Variants in HIP1 observed in about 807,000 individuals in gnomAD.
The protein encoded by HIP1 is huntingtin-interacting protein 1.
Under a neutral mutation model 147.6 loss-of-function variants are expected in HIP1, and 65 were observed. The ratio of observed to expected loss-of-function variants is 0.44; its 90% CI spans 0.36 to 0.54. The LOEUF is 0.54. Ranked by LOEUF, HIP1 falls within the 20% of genes least tolerant of loss-of-function variation. The pLI is 0.00. For missense variants in HIP1, 1,061 were observed against 1,299.6 expected, an observed-to-expected ratio of 0.82 and a Z score of 2.82; for synonymous variants, 479 against 504.0, an observed-to-expected ratio of 0.95 and a Z score of 0.67.
intron 1 of HIP1, among the ~76,000 whole-genome samples, chr7:75,719,598 C>T (rs558599743): frequency 2.0e-5 from 3 of 152,208 alleles, no homozygotes; most frequent in South Asian, 2.1e-4. Flanking sequence ...TGCTTTCTAT[C>T]GTTTAATCCT....
At chr7:75,612,275 G>A (rs10242668) in intron 1 of HIP1, among the ~76,000 whole-genome samples, 33,295 of 152,072 alleles carry the variant, frequency 0.22, 6,902 homozygotes, top group African/African-American at 0.54. Context: ...TTTGGGAGGC[G>A]GAGGTGGGCG....
chr7:75,559,316 A>G (rs1369196608), intron 14 of HIP1, among the ~76,000 whole-genome samples: 1 of 152,044 alleles, frequency 6.6e-6, no homozygotes, highest in African/African-American at 2.4e-5. Context: ...GGGTCTTGCT[A>G]TGTTGCCCGG....
chr7:75,656,757 G>A (rs1480570430), intron 1 of HIP1, among the ~76,000 whole-genome samples: 6 of 152,208 alleles, frequency 3.9e-5, no homozygotes, highest in South Asian at 2.1e-4. Flanking sequence ...GATTACAGGC[G>A]TGAGCCACTG....
At chr7:75,648,264 TG>T (rs1798867359) in intron 1 of HIP1, among the ~76,000 whole-genome samples, 1 of 151,758 alleles carries the variant, frequency 6.6e-6, no homozygotes. Context: ...TTGGAGTAGT[TG>T]GGGCTGGTTG....
chr7:75,555,577 G>A (rs782392726), intron 18 of HIP1, 26 bp from the exon 19 acceptor site: 1 of 1,613,594 alleles, frequency 6.2e-7, no homozygotes, highest in African/African-American at 1.3e-5. Context: ...GGAGGTGAGA[G>A]TCTGCCCTAG....
chr7:75,552,318 A>G (rs587726557), intron 22 of HIP1, among the ~76,000 whole-genome samples: 1 of 152,198 alleles, frequency 6.6e-6, no homozygotes, highest in South Asian at 2.1e-4. Flanking sequence ...CTCTGTCCCT[A>G]TATATACTTA....
intron 1 of HIP1, among the ~76,000 whole-genome samples, chr7:75,632,496 T>C (rs1798263016): frequency 6.6e-6 from 1 of 151,896 alleles, no homozygotes; most frequent in Non-Finnish European, 1.5e-5. Context: ...GCCCTGACCT[T>C]TTGGGCTCAG....
chr7:75,729,800 C>T (rs1345304488), intron 1 of HIP1, among the ~76,000 whole-genome samples: 1 of 151,908 alleles, frequency 6.6e-6, no homozygotes, highest in Non-Finnish European at 1.5e-5. Flanking sequence ...ACAAAACAAA[C>T]AAACAAACAA....
intron 7 of HIP1, 125 bp downstream of exon 7, chr7:75,581,112 C>T: frequency 1.4e-6 from 1 of 699,366 alleles, no homozygotes. Context: ...TTGGAGAGAC[C>T]AGAGATGGGG....
At chr7:75,582,214 G>T in intron 5 of HIP1, 63 bp from the exon 6 acceptor site, 1 of 1,336,814 alleles carries the variant, frequency 7.5e-7, no homozygotes, top group Non-Finnish European at 1.1e-6. Context: ...TCTCAGCCGG[G>T]CGTGGTGGCA....
chr7:75,595,248 C>CTTTCTT lies in HIP1; in HGVS notation c.185-2740_185-2735dup, dbSNP rs1218437516. Among the ~76,000 whole-genome samples, 522 of 98,776 alleles carry CTTTCTT rather than the reference C, an allele frequency of 5.3e-3. 11 individuals carry two copies. Among genetic ancestry groups the CTTTCTT allele is most frequent in the African/African-American group, 0.019 (485 of 25,456 alleles). The allele number at this position is 98,776 out of a possible 152,430, so 64.8% of individuals were successfully genotyped here. A position where few individuals can be genotyped will look rare whatever the true frequency, so the allele number is the denominator to read the frequency against. On this transcript the variant is annotated intron_variant, in intron 2 of 30. Coordinates refer to ENST00000336926, the MANE Select transcript of HIP1 (RefSeq NM_005338.7). ...TCTTTCTTTCTTTCTTTCTTTCTTT[C>CTTTCTT]TTTCTTCCTTCCTTCCTTCCTTCCT...
intron 23 of HIP1, 114 bp downstream of exon 23, chr7:75,548,777 G>A (rs1794667385): frequency 4.9e-6 from 4 of 823,212 alleles, no homozygotes; most frequent in South Asian, 1.5e-5. Context: ...TCTGGTTTCT[G>A]TCTTAGGGGG....
At chr7:75,672,010 C>T (rs1442457866) in intron 1 of HIP1, among the ~76,000 whole-genome samples, 2 of 152,200 alleles carry the variant, frequency 1.3e-5, no homozygotes, top group African/African-American at 4.8e-5. Flanking sequence ...GCTGGGATTA[C>T]AGGCGTGAGC....
intron 1 of HIP1, 142 bp downstream of exon 1, chr7:75,738,659 C>T: frequency 1.8e-6 from 2 of 1,081,882 alleles, no homozygotes; most frequent in South Asian, 3.1e-5. Context: ...TCGCCCAGAT[C>T]TGCACGTCAA....
intron 2 of HIP1, among the ~76,000 whole-genome samples, chr7:75,596,843 G>A (rs191111603): frequency 6.6e-6 from 1 of 152,330 alleles, no homozygotes; most frequent in Admixed American, 6.5e-5. Flanking sequence ...CCTCCCGGCA[G>A]CATGTGACCT....
rs1794989622 is a variant in HIP1 at position 75,556,005 on chromosome 7, G to C, written c.1827+21C>G. The stretch of plus-strand genomic sequence containing the variant: ...GGTGGGAATTCACAGGTGCTCGCTC[G>C]TGTCCATGTCCGTGACTTGCCTCTG... On this transcript the variant is annotated intron_variant, in intron 18 of 30. Transcript: ENST00000336926. 1.9e-6 allele frequency: 3 copies of C among 1,613,148 alleles called. No homozygotes were observed. In the Admixed American group the frequency reaches 5.0e-5, roughly 27 times the overall value.
intron 4 of HIP1, among the ~76,000 whole-genome samples, chr7:75,590,848 G>A (rs1223545237): frequency 6.6e-6 from 1 of 152,156 alleles, no homozygotes. Context: ...ACCTAATTTT[G>A]TGACTTTAGG....
intron 1 of HIP1, among the ~76,000 whole-genome samples, chr7:75,608,475 T>C (rs1157274292): frequency 6.6e-6 from 1 of 152,210 alleles, no homozygotes; most frequent in Non-Finnish European, 1.5e-5. Flanking sequence ...CGTGAAACAC[T>C]ATTCAGTTTC....
chr7:75,670,917 C>T lies in HIP1; in HGVS notation c.120+67884G>A, dbSNP rs569307202. 1.1e-4 allele frequency among the ~76,000 whole-genome samples: 16 copies of T among 151,644 alleles called. 1 individual carries two copies. Among genetic ancestry groups the T allele is most frequent in the African/African-American group, 3.1e-4 (13 of 41,320 alleles). On this transcript the variant is annotated intron_variant, in intron 1 of 30. Transcript: ENST00000336926. ...GATTACAGGCGTGAGCCACCGCGCC[C>T]GGTCTCACCAGTCTACTTTCTATCT...
Sources: gnomAD v4.1 joint callset for allele counts (sites outside exome capture counted in the v4.1 genomes callset) on GRCh38, gnomAD v4.1.1 for gene constraint, MANE v1.5 for transcripts, NCBI Gene and HGNC (gene_info 2026-07-23, HGNC 2026-07-21) for gene names.